CCBE1: variants seen among roughly 807,000 people sequenced by gnomAD.
CCBE1 encodes the protein collagen and calcium-binding EGF domain-containing protein 1.
A neutral mutation model predicts 50.0 loss-of-function variants in CCBE1; 37 were observed. The ratio of observed to expected loss-of-function variants is 0.74; its 90% CI spans 0.57 to 0.97. The LOEUF (loss-of-function observed/expected upper bound fraction) is 0.97. Among genes scored for constraint, CCBE1 ranks in the 50% least tolerant of loss-of-function variants. CCBE1 has a pLI of 0.00. For synonymous variants in CCBE1, 234 were observed against 203.7 expected (o/e 1.15, Z -1.27); for missense variants, 538 against 523.8 (o/e 1.03, Z -0.26).
intron 6 of CCBE1, 117 bp downstream of exon 6, chr18:59,454,734 A>G: frequency 1.1e-6 from 1 of 903,692 alleles, no homozygotes; most frequent in South Asian, 1.4e-5. Flanking sequence ...CCTCACTGGC[A>G]TCAACTGCGT....
intron 2 of CCBE1, among the ~76,000 whole-genome samples, chr18:59,672,028 C>T (rs2054439237): frequency 6.6e-6 from 1 of 152,116 alleles, no homozygotes; most frequent in Non-Finnish European, 1.5e-5. Context: ...TGGAGACTGT[C>T]CATTCACATA....
In CCBE1 at chr18:59,625,824, G is replaced by A. The variant is rs115769055; in HGVS notation, c.212+70805C>T. Among the ~76,000 whole-genome samples the A allele has an allele frequency of 9.5e-3, 1,449 of 152,176 alleles. 23 individuals are homozygous for A. Among genetic ancestry groups the A allele is most frequent in the African/African-American group, 0.033 (1,360 of 41,516 alleles). On this transcript the variant is annotated intron_variant, in intron 2 of 10. Transcript: ENST00000439986. ...TACTGAGGGGTGGGGTCTTTGGGGT[G>A]GTGATTAAGTCATCATGAATGATTA...
chr18:59,697,540 G>A (rs1183529462), upstream of CCBE1: 1 of 686,066 alleles, frequency 1.5e-6, no homozygotes, highest in African/African-American at 1.8e-5. Flanking sequence ...TGGGGTATCG[G>A]ATGCAAACCC....
At chr18:59,681,899 G>C (rs1298266228) in intron 2 of CCBE1, among the ~76,000 whole-genome samples, 1 of 152,190 alleles carries the variant, frequency 6.6e-6, no homozygotes, top group African/African-American at 2.4e-5. Context: ...TAAACTAAAT[G>C]CGCTTCTGTT....
At chr18:59,593,707 C>A (rs2053307326) in intron 2 of CCBE1, among the ~76,000 whole-genome samples, 1 of 152,320 alleles carries the variant, frequency 6.6e-6, no homozygotes, top group South Asian at 2.1e-4. Context: ...TGCTGACATT[C>A]AAACACTCAC....
At chr18:59,523,494 T>A (rs981691583) in intron 2 of CCBE1, among the ~76,000 whole-genome samples, 1 of 152,128 alleles carries the variant, frequency 6.6e-6, no homozygotes, top group African/African-American at 2.4e-5. Context: ...TTAAATTAGA[T>A]AATGCATATA....
At chr18:59,610,542 A>C (rs562717296) in intron 2 of CCBE1, among the ~76,000 whole-genome samples, 2 of 152,334 alleles carry the variant, frequency 1.3e-5, no homozygotes, top group South Asian at 4.1e-4. Flanking sequence ...GAACAAAAAA[A>C]GATTCTGGAA....
intron 2 of CCBE1, among the ~76,000 whole-genome samples, chr18:59,685,345 C>T (rs945225103): frequency 2.6e-5 from 4 of 152,150 alleles, no homozygotes; most frequent in Admixed American, 2.6e-4. Flanking sequence ...AACCACCCCA[C>T]ACAGAATGGA....
chr18:59,608,346 C>T (rs1321568461), intron 2 of CCBE1, among the ~76,000 whole-genome samples: 1 of 152,114 alleles, frequency 6.6e-6, no homozygotes, highest in Non-Finnish European at 1.5e-5. Flanking sequence ...GTTCCAGACC[C>T]CTTAGATCCC....
intron 6 of CCBE1, among the ~76,000 whole-genome samples, chr18:59,450,972 C>T (rs998061934): frequency 2.6e-5 from 4 of 152,190 alleles, no homozygotes; most frequent in Admixed American, 6.5e-5. Context: ...GTGCAGCCAT[C>T]GGGTTGCAAA....
At chr18:59,524,639 G>A (rs1156303416) in intron 2 of CCBE1, among the ~76,000 whole-genome samples, 1 of 152,152 alleles carries the variant, frequency 6.6e-6, no homozygotes, top group Non-Finnish European at 1.5e-5. Flanking sequence ...TGTGCGAGAT[G>A]TGCAGGTTTG....
At chr18:59,657,981 A>T (rs1253694076) in intron 2 of CCBE1, among the ~76,000 whole-genome samples, 1 of 151,986 alleles carries the variant, frequency 6.6e-6, no homozygotes, top group Non-Finnish European at 1.5e-5. Flanking sequence ...GAGGCAGCAC[A>T]TTGGAGTAGC....
intron 2 of CCBE1, among the ~76,000 whole-genome samples, chr18:59,520,686 T>C (rs926982175): frequency 1.3e-5 from 2 of 152,258 alleles, no homozygotes; most frequent in Admixed American, 6.5e-5. Context: ...ATTCAGAATA[T>C]CTGAAGTCAT....
rs566216240 is a variant in CCBE1, at chr18:59,654,418, G to A, written c.212+42211C>T. Among the ~76,000 whole-genome samples, 48 of 152,282 alleles carry A rather than the reference G, an allele frequency of 3.2e-4. 1 individual carries two copies. Among genetic ancestry groups the A allele is most frequent in the East Asian group, 1.3e-3 (7 of 5,190 alleles). ...AGGTGGGTGGATCACTTGAGGTCAC[G>A]AGTTCGAAACAAGCCTGGCCAACAT... On this transcript the variant is annotated intron_variant, in intron 2 of 10. Transcript: ENST00000439986.
At position 59,562,915 on chromosome 18, in the gene CCBE1, TG is replaced by T. The variant is rs2052762271; in HGVS notation, c.213-82678del. Among the ~76,000 whole-genome samples the T allele has an allele frequency of 2.0e-5, 3 of 152,248 alleles. No homozygotes were observed. In the South Asian group the frequency reaches 6.2e-4, roughly 32 times the overall value. On this transcript the variant is annotated intron_variant, in intron 2 of 10. Transcript: ENST00000439986. The stretch of plus-strand genomic sequence containing the variant: ...TCGATCTCGTTTGTTTCAGTTCTCT[TG>T]TTTGTTTCCCAGTTTGAGTGGTGGT...
chr18:59,691,226 G>C (rs932517157), intron 2 of CCBE1, among the ~76,000 whole-genome samples: 1 of 152,212 alleles, frequency 6.6e-6, no homozygotes, highest in Non-Finnish European at 1.5e-5. Context: ...AGCCTCTGAG[G>C]ATATAGTCAT....
At chr18:59,638,671 C>G (rs1201523257) in intron 2 of CCBE1, among the ~76,000 whole-genome samples, 5 of 152,074 alleles carry the variant, frequency 3.3e-5, no homozygotes, top group Admixed American at 3.3e-4. Context: ...TTAGAGAAAC[C>G]CAAAACAATC....
chr18:59,656,192 C>T (rs1469381261), intron 2 of CCBE1, among the ~76,000 whole-genome samples: 2 of 152,244 alleles, frequency 1.3e-5, no homozygotes, highest in East Asian at 3.9e-4. Context: ...TAAGCAGATC[C>T]ACTTCAATTG....
At chr18:59,603,197 A>C (rs2053454928) in intron 2 of CCBE1, among the ~76,000 whole-genome samples, 1 of 152,246 alleles carries the variant, frequency 6.6e-6, no homozygotes, top group Admixed American at 6.5e-5. Context: ...TGACCATGAG[A>C]AGAAAAGAAG....
Sources: allele counts gnomAD v4.1 joint callset (sites outside exome capture counted in the v4.1 genomes callset), GRCh38; gene constraint gnomAD v4.1.1; transcripts MANE v1.5; gene names NCBI Gene and HGNC (gene_info 2026-07-23, HGNC 2026-07-21).